The following CES4A variants were observed in gnomAD, a reference collection of about 807,000 sequenced individuals.
CES4A encodes carboxylesterase 6.
Under a neutral mutation model 65.4 loss-of-function variants are expected in CES4A, and 48 were observed. The ratio of observed to expected loss-of-function variants is 0.73; its 90% CI spans 0.58 to 0.93. The LOEUF (loss-of-function observed/expected upper bound fraction) is 0.93, where lower values mean the gene tolerates loss of function less well. Among genes scored for constraint, CES4A ranks in the 40% least tolerant of loss-of-function variants. The pLI is 0.00. For synonymous variants in CES4A, 247 were observed against 281.8 expected (o/e 0.88, Z 1.24); for missense variants, 685 against 728.5 (o/e 0.94, Z 0.69).
In CES4A at chr16:66,995,641, C is replaced by A. The variant is rs762151263; in HGVS notation, c.72C>A (p.Thr24=). The A allele has an allele frequency of 5.0e-6, 8 of 1,613,978 alleles. No individual in the cohort carries two copies. In the Admixed American group the frequency reaches 1.2e-4, roughly 24 times the overall value. ...TTCTCTTCCCAGGTGCCTTGCACAC[C>A]AAGAGGCCTCAAGTGGTCACCAAAT... Residue 24 remains threonine, a synonymous_variant, in exon 2 of 14, where the codon ACC becomes ACA. Transcript: ENST00000648724.
chr16:67,008,795 TGCCTGGAAGGC>T, intron 13 of CES4A, 168 bp from the exon 14 acceptor site: 1 of 641,262 alleles, frequency 1.6e-6, no homozygotes. Context: ...CTGTTTGCTC[TGCCTGGAAGGC>T]CCACCCCAAT....
At position 67,000,253 on chromosome 16, in the gene CES4A, C is replaced by G. The variant is rs1336041879; in HGVS notation, c.261-385C>G. 6.6e-6 allele frequency among the ~76,000 whole-genome samples: 1 copy of G among 151,910 alleles called. No individual in the cohort carries two copies. The highest frequency in any genetic ancestry group is 1.5e-5 in the Non-Finnish European group (1 of 67,990). ...GACGGTGGTGGCCTTGACATCTCCC[C>G]AGAGATGGGGATGGAGGGGAGGGAC... On this transcript the variant is annotated intron_variant, in intron 2 of 13. Transcript: ENST00000648724. The surrounding 1 kb of genome is among the most constrained non-coding windows in gnomAD (Gnocchi z 4.2).
At chr16:67,006,477 G>A (rs1390322526) in exon 12 of CES4A, 1 of 1,536,646 alleles carries the variant, frequency 6.5e-7, no homozygotes, top group Admixed American at 2.0e-5. Flanking sequence ...GGCAGACCAT[G>A]GGGATGAGAT....
intron 13 of CES4A, chr16:67,008,663 G>A (rs1003760125): frequency 4.1e-6 from 1 of 244,558 alleles, no homozygotes; most frequent in African/African-American, 2.3e-5. Context: ...GCCTCCCAAA[G>A]TGCTGGGATT....
Position 67,001,072 on chromosome 16 carries a change from G to C in CES4A, c.536+82G>C. ...GTGGGAAGGGAGGGGCGGGGCCTGG[G>C]GCGGGGATGGGGGGGGTGGGGCCGC... On this transcript the variant is annotated intron_variant, in intron 4 of 13. Transcript: ENST00000648724. This position sits in a 1 kb window ranked among gnomAD's most constrained non-coding sequence, Gnocchi z 4.1. 9.8e-7 allele frequency: 1 copy of C among 1,020,122 alleles called. No individual in the cohort carries two copies. Among genetic ancestry groups the C allele is most frequent in the Non-Finnish European group, 1.4e-6 (1 of 719,730 alleles). The allele number at this position is 1,020,122 out of a possible 1,614,324, so 63.2% of individuals were successfully genotyped here.
At chr16:66,990,263 G>A (rs1173907281) in intron 1 of CES4A, among the ~76,000 whole-genome samples, 5 of 152,024 alleles carry the variant, frequency 3.3e-5, no homozygotes, top group Non-Finnish European at 5.9e-5. Context: ...ATGCTGGCCA[G>A]GCAGGTCTCG....
chr16:67,006,500 TG>T lies in CES4A; in HGVS notation c.1430del (p.Gly477AlafsTer19). On this transcript the variant is annotated frameshift_variant, in exon 12 of 14. Coordinates refer to ENST00000648724, the Ensembl canonical transcript of CES4A. LOFTEE classifies it high-confidence loss of function. ...ATGGGGATGAGATGTACTTCCTCTTTGGGGGCCCCTTCGCCACAGGTGCAAA... is the reference window on the plus strand; with the variant it reads ...ATGGGGATGAGATGTACTTCCTCTTTGGGGCCCCTTCGCCACAGGTGCAAA... 6.5e-7 allele frequency: 1 copy of T among 1,537,088 alleles called. No individual in the cohort carries two copies. The highest frequency in any genetic ancestry group is 8.7e-7 in the Non-Finnish European group (1 of 1,146,994).
intron 5 of CES4A, among the ~76,000 whole-genome samples, chr16:67,002,804 G>A (rs939319347): frequency 1.3e-5 from 2 of 152,086 alleles, no homozygotes; most frequent in African/African-American, 4.8e-5. Context: ...CTAAAGTAGA[G>A]GGAGACCACT....
At chr16:66,999,618 A>G (rs1369120130) in intron 2 of CES4A, among the ~76,000 whole-genome samples, 1 of 152,218 alleles carries the variant, frequency 6.6e-6, no homozygotes, top group East Asian at 1.9e-4. Context: ...CCTGGCCAAC[A>G]TGGTGAAACC....
At chr16:66,998,023 T>A (rs1964996795) in intron 2 of CES4A, among the ~76,000 whole-genome samples, 1 of 150,044 alleles carries the variant, frequency 6.7e-6, no homozygotes. Context: ...CCTATTAAAT[T>A]TGACGTGCTG....
Position 67,004,785 on chromosome 16 carries a change from G to A in CES4A, c.1081-8G>A. On this transcript the variant is annotated splice_region_variant and splice_polypyrimidine_tract_variant and intron_variant, in intron 9 of 13. Transcript: ENST00000648724. ...TGACCCACACTGGGGTCCTTGTCTT[G>A]TGAACAGATCATGAAGTTCCCGCTA... 6.5e-7 allele frequency: 1 copy of A among 1,535,970 alleles called. No homozygotes were observed. The highest frequency in any genetic ancestry group is 1.2e-5 in the South Asian group (1 of 84,054).
chr16:67,001,005 A>G lies in CES4A; in HGVS notation c.536+15A>G. On this transcript the variant is annotated intron_variant, in intron 4 of 13. Transcript: ENST00000648724. This position sits in a 1 kb window ranked among gnomAD's most constrained non-coding sequence, Gnocchi z 4.1. ...GGCTTCCTGAGGTGGCGGGGCCGGTACCCTTTGGGACCGCAGCTGTGGCCA... is the reference window on the plus strand; with the variant it reads ...GGCTTCCTGAGGTGGCGGGGCCGGTGCCCTTTGGGACCGCAGCTGTGGCCA... The G allele has an allele frequency of 2.6e-6, 4 of 1,551,276 alleles. No individual in the cohort carries two copies. In the South Asian group the frequency reaches 4.4e-5, roughly 17 times the overall value.
intron 1 of CES4A, among the ~76,000 whole-genome samples, chr16:66,993,013 G>A (rs1379732027): frequency 6.6e-6 from 1 of 152,144 alleles, no homozygotes; most frequent in African/African-American, 2.4e-5. Context: ...AAGGAGGAGG[G>A]GGCAAATAGA....
rs539987569 is a variant in CES4A at position 67,000,285 on chromosome 16, C to T, written c.261-353C>T. 2.8e-3 allele frequency among the ~76,000 whole-genome samples: 427 copies of T among 152,034 alleles called. 2 individuals are homozygous for T. The highest frequency in any genetic ancestry group is 9.3e-3 in the African/African-American group (384 of 41,478). ...GGGGATGGAGGGGAGGGACCATATT[C>T]CAGAGCTGTTTGGGAGGCAGAAGGG... On this transcript the variant is annotated intron_variant, in intron 2 of 13. Transcript: ENST00000648724. This position sits in a 1 kb window ranked among gnomAD's most constrained non-coding sequence, Gnocchi z 4.2.
intron 11 of CES4A, chr16:67,005,688 A>T (rs1965700599): frequency 3.3e-6 from 1 of 298,682 alleles, no homozygotes; most frequent in Admixed American, 5.0e-5. Flanking sequence ...CTCTACTAAA[A>T]GTACAAAAAA....
intron 9 of CES4A, among the ~76,000 whole-genome samples, 160 bp from the exon 10 acceptor site, chr16:67,004,633 C>T (rs1965611659): frequency 6.6e-6 from 1 of 152,114 alleles, no homozygotes; most frequent in African/African-American, 2.4e-5. Flanking sequence ...AGGATGGGAG[C>T]AGGGGGACAA....
chr16:67,002,994 G>A, intron 5 of CES4A, 76 bp from the exon 6 acceptor site: 1 of 1,300,266 alleles, frequency 7.7e-7, no homozygotes, highest in Non-Finnish European at 1.1e-6. Flanking sequence ...CCTGCCCATG[G>A]CCAGACAGAT....
At chr16:66,994,275 T>C (rs933278676) in intron 1 of CES4A, among the ~76,000 whole-genome samples, 3 of 145,884 alleles carry the variant, frequency 2.1e-5, no homozygotes, top group East Asian at 4.4e-4. Flanking sequence ...CTCACTCTGT[T>C]GCCCAGGCTG....
chr16:67,009,443 TC>T, exon 14 of CES4A: 1 of 267,718 alleles, frequency 3.7e-6, no homozygotes, highest in East Asian at 6.9e-5. Flanking sequence ...CCTCTTTTTT[TC>T]CCTTCTTCAA....
Sources: gnomAD v4.1 joint callset for allele counts (sites outside exome capture counted in the v4.1 genomes callset) on GRCh38, gnomAD v4.1.1 for gene constraint, Gnocchi (gnomAD v3.1) non-coding constraint, MANE v1.5 for transcripts, NCBI Gene and HGNC (gene_info 2026-07-23, HGNC 2026-07-21) for gene names.